Variants in CSE1L observed in about 807,000 individuals in gnomAD.
The protein encoded by CSE1L is chromosome segregation 1 like.
A neutral mutation model predicts 120.4 loss-of-function variants in CSE1L; 24 were observed. The ratio of observed to expected loss-of-function variants is 0.20; its 90% CI spans 0.14 to 0.28. CSE1L has a LOEUF of 0.28. Among genes scored for constraint, CSE1L ranks in the 10% least tolerant of loss-of-function variants. The pLI, the probability that CSE1L is intolerant of heterozygous loss-of-function variation, is 1.00. For missense variants in CSE1L, 830 were observed against 1,145.2 expected, an observed-to-expected ratio of 0.72 and a Z score of 3.97; for synonymous variants, 402 against 398.3, an observed-to-expected ratio of 1.01 and a Z score of -0.11.
At position 49,068,455 on chromosome 20, in the gene CSE1L, C is replaced by T. The variant is rs545773684; in HGVS notation, c.568-260C>T. 3.9e-5 allele frequency among the ~76,000 whole-genome samples: 6 copies of T among 152,124 alleles called. 1 individual carries two copies. Among genetic ancestry groups the T allele is most frequent in the South Asian group, 4.1e-4 (2 of 4,820 alleles). ...TACAAAAAACAAAAACAAAATTAGC[C>T]GGGCGTGGTGGCAGGCACCTATAGT... is the stretch of plus-strand genomic sequence containing the variant. On this transcript the variant is annotated intron_variant, in intron 6 of 24. Coordinates refer to ENST00000262982, the MANE Select transcript of CSE1L (RefSeq NM_001316.4).
rs1412899075 is a variant in CSE1L at position 49,070,215 on chromosome 20, A to G, written c.686A>G (p.Glu229Gly). 2 of 1,432,594 alleles carry G rather than the reference A, an allele frequency of 1.4e-6. No individual in the cohort carries two copies. Among genetic ancestry groups the G allele is most frequent in the Non-Finnish European group, 1.9e-6 (2 of 1,038,142 alleles). The allele number at this position is 1,432,594 out of a possible 1,614,324, so 88.7% of individuals were successfully genotyped here. A position where few individuals can be genotyped will look rare whatever the true frequency, so the allele number is the denominator to read the frequency against. ...GTGTTTATTCTGTAGGATCTCCCTG[A>G]ATTTTTTGAAGATAATATGGAAACT... ...FYSLNFQDLP[E>G]FFEDNMETWM... The change falls in exon 8 of 25, where the codon GAA becomes GGA. Residue 229 changes from glutamate to glycine, a missense_variant. By Grantham distance (98) the Glu-to-Gly change is moderately conservative. Coordinates refer to ENST00000262982, the MANE Select transcript of CSE1L (RefSeq NM_001316.4).
intron 16 of CSE1L, among the ~76,000 whole-genome samples, chr20:49,085,925 T>C (rs2092052809): frequency 6.6e-6 from 1 of 152,140 alleles, no homozygotes. Context: ...AAGCCCTTTT[T>C]TCCTTCCCTA....
chr20:49,086,543 T>G (rs2092059484), intron 16 of CSE1L, among the ~76,000 whole-genome samples: 1 of 151,906 alleles, frequency 6.6e-6, no homozygotes, highest in Non-Finnish European at 1.5e-5. Context: ...TTTTGTATTT[T>G]TAGTAGAGAC....
intron 7 of CSE1L, 84 bp from the exon 8 acceptor site, chr20:49,070,120 GT>G: frequency 1.1e-5 from 7 of 647,102 alleles, no homozygotes; most frequent in Non-Finnish European, 1.9e-5. Flanking sequence ...TGTATAAAAT[GT>G]TTTGTCCACG....
Position 49,075,665 on chromosome 20 carries a change from C to T in CSE1L, c.1335+145C>T, listed in dbSNP as rs892126180. 13 of 720,630 alleles carry T rather than the reference C, an allele frequency of 1.8e-5. No individual in the cohort carries two copies. The Admixed American group carries it at 3.5e-4, about 19-fold the overall frequency. The allele number at this position is 720,630 out of a possible 1,614,324, so 44.6% of individuals were successfully genotyped here. ...AGATTTATATAATCTCTGAAGATGG[C>T]TTTATGTTGATGTATTGAGCACTTA... On this transcript the variant is annotated intron_variant, in intron 12 of 24. Coordinates refer to ENST00000262982, the MANE Select transcript of CSE1L (RefSeq NM_001316.4).
At chr20:49,053,881 G>C (rs936489186) in intron 1 of CSE1L, among the ~76,000 whole-genome samples, 2 of 151,962 alleles carry the variant, frequency 1.3e-5, no homozygotes, top group African/African-American at 4.8e-5. Context: ...GTAGAGATGG[G>C]GTTTTGCCAT....
At chr20:49,087,941 C>G in intron 16 of CSE1L, 68 bp from the exon 17 acceptor site, 2 of 1,058,544 alleles carry the variant, frequency 1.9e-6, no homozygotes, top group South Asian at 1.4e-5. Context: ...CTTTTTTCCC[C>G]CCAGTCGCTC....
chr20:49,076,520 CTTTTTTTTTTTTTTTT>C (rs35713931), intron 12 of CSE1L, among the ~76,000 whole-genome samples: 3 of 79,578 alleles, frequency 3.8e-5, no homozygotes, highest in Non-Finnish European at 7.0e-5. Context: ...CCCTCTCTCT[CTTTTTTTTTTTTTTTT>C]TTTTTTTTTT....
chr20:49,078,573 C>T lies in CSE1L; in HGVS notation c.1433C>T (p.Pro478Leu). ...TTTTTTTATATAGTGAATGAATTTC[C>T]TGTCCTTAAAGCTGACGGTATCAAA... ...DLKSANVNEF[P>L]VLKADGIKYI... Residue 478 changes from proline (P) to leucine (L), a missense_variant, in exon 14 of 25, where the codon CCT (proline) becomes CTT (leucine). Transcript: ENST00000262982. 2 of 1,574,336 alleles carry T rather than the reference C, an allele frequency of 1.3e-6. No individual in the cohort carries two copies. The highest frequency in any genetic ancestry group is 1.7e-6 in the Non-Finnish European group (2 of 1,160,596).
chr20:49,054,444 G>A (rs2091791111), intron 1 of CSE1L, among the ~76,000 whole-genome samples: 1 of 152,164 alleles, frequency 6.6e-6, no homozygotes, highest in African/African-American at 2.4e-5. Flanking sequence ...CTCTTGGTCA[G>A]CCGTCTGTCA....
At chr20:49,066,328 G>C (rs1371748968) in intron 4 of CSE1L, 35 bp downstream of exon 4, 1 of 1,614,010 alleles carries the variant, frequency 6.2e-7, no homozygotes, top group Admixed American at 1.7e-5. Flanking sequence ...GGGCTCCTCT[G>C]TAAAGCTCTG....
intron 1 of CSE1L, among the ~76,000 whole-genome samples, chr20:49,057,021 A>G (rs2091813779): frequency 6.6e-6 from 1 of 152,148 alleles, no homozygotes; most frequent in South Asian, 2.1e-4. Flanking sequence ...GACGTAGGCC[A>G]TTTAGTTAGC....
intron 18 of CSE1L, 43 bp downstream of exon 18, chr20:49,089,440 A>C: frequency 6.2e-7 from 1 of 1,607,104 alleles, no homozygotes; most frequent in Non-Finnish European, 8.5e-7. Context: ...GAATAAAATT[A>C]ACATGGCTAT....
chr20:49,094,777 AGAT>A lies in CSE1L; in HGVS notation c.2644_2646del (p.Asp882del). ...TGATTGGTCTTTTTGAGTTACCCGA[AGAT>A]GATACCATTCCTGATGAGGAACATT... On this transcript the variant is annotated inframe_deletion, in exon 24 of 25. Transcript: ENST00000262982. 3 of 1,614,096 alleles carry A rather than the reference AGAT, an allele frequency of 1.9e-6. No individual in the cohort carries two copies. The highest frequency in any genetic ancestry group is 1.1e-5 in the South Asian group (1 of 91,088).
At chr20:49,055,759 A>G (rs1244647878) in intron 1 of CSE1L, among the ~76,000 whole-genome samples, 3 of 152,192 alleles carry the variant, frequency 2.0e-5, no homozygotes, top group South Asian at 4.1e-4. Flanking sequence ...CTGTAAATGT[A>G]TAATAGATAT....
chr20:49,094,352 A>G, intron 23 of CSE1L, 66 bp downstream of exon 23: 3 of 1,471,530 alleles, frequency 2.0e-6, no homozygotes, highest in Middle Eastern at 1.8e-4. Context: ...CAAAATTAAC[A>G]AAGCTTATTC....
intron 24 of CSE1L, 22 bp from the exon 25 acceptor site, chr20:49,096,327 G>A: frequency 6.3e-7 from 1 of 1,588,940 alleles, no homozygotes; most frequent in Non-Finnish European, 8.6e-7. Flanking sequence ...AACAGCCAGT[G>A]TGTGTTTCCC....
chr20:49,068,604 A>G, intron 6 of CSE1L, 111 bp from the exon 7 acceptor site: 2 of 751,252 alleles, frequency 2.7e-6, no homozygotes, highest in Non-Finnish European at 4.5e-6. Flanking sequence ...GTCTCAAAAA[A>G]ATAAATAAGT....
chr20:49,090,797 A>G lies in CSE1L; in HGVS notation c.2237A>G (p.Gln746Arg). The G allele has an allele frequency of 6.2e-7, 1 of 1,614,018 alleles. No individual in the cohort carries two copies. The highest frequency in any genetic ancestry group is 8.5e-7 in the Non-Finnish European group (1 of 1,179,946). The part of the protein sequence containing the change: ...KLIASKANDH[Q>R]GFYLLNSIIE... The stretch of plus-strand genomic sequence containing the variant: ...ATTGCATCCAAAGCAAATGACCACC[A>G]AGGTTTTTATCTTCTAAACAGTATA... The change falls in exon 20 of 25, where the codon CAA becomes CGA. Residue 746 changes from glutamine (Q) to arginine (R), a missense_variant. Physicochemically the swap from Gln to Arg is conservative, Grantham distance 43. Around this residue, in one of 4 missense-constraint regions of CSE1L, gnomAD observed 168 missense variants for 267.9 expected, o/e 0.63. Transcript: ENST00000262982.
Sources: gnomAD v4.1 joint callset for allele counts (sites outside exome capture counted in the v4.1 genomes callset) on GRCh38, gnomAD v4.1.1 for gene constraint, gnomAD v4.1.1 regional missense constraint, MANE v1.5 for transcripts, NCBI Gene and HGNC (gene_info 2026-07-23, HGNC 2026-07-21) for gene names.